Variants in EPHA3 observed in about 807,000 individuals in gnomAD.
EPHA3 encodes the protein ephrin type-A receptor 3.
EPHA3 carries 42 observed loss-of-function variants against 107.1 expected under a neutral mutation model. The observed-to-expected ratio is 0.39, with a 90% confidence interval of 0.31 to 0.51. The LOEUF is 0.51. Ranked by LOEUF, EPHA3 falls within the 20% of genes least tolerant of loss-of-function variation. The pLI is 0.78. For missense variants in EPHA3, 1,183 were observed against 1,211.2 expected, an observed-to-expected ratio of 0.98 and a Z score of 0.35; for synonymous variants, 461 against 424.8, an observed-to-expected ratio of 1.09 and a Z score of -1.05.
chr3:89,344,041 C>A (rs1256174864), intron 5 of EPHA3, among the ~76,000 whole-genome samples: 1 of 152,102 alleles, frequency 6.6e-6, no homozygotes, highest in East Asian at 1.9e-4. Flanking sequence ...GATCATGTGG[C>A]AAATGGTTTT....
At chr3:89,345,107 G>C (rs1035609555) in intron 5 of EPHA3, among the ~76,000 whole-genome samples, 1 of 150,804 alleles carries the variant, frequency 6.6e-6, no homozygotes, top group Non-Finnish European at 1.5e-5. Context: ...TCCACTAGTG[G>C]AATATGCATA....
At chr3:89,214,492 G>GATAA (rs1242632989) in intron 3 of EPHA3, among the ~76,000 whole-genome samples, 1 of 151,874 alleles carries the variant, frequency 6.6e-6, no homozygotes, top group African/African-American at 2.4e-5. Context: ...TATTTTAAGA[G>GATAA]ATAAAACATG....
At chr3:89,257,572 C>T (rs895316233) in intron 3 of EPHA3, among the ~76,000 whole-genome samples, 12 of 151,640 alleles carry the variant, frequency 7.9e-5, no homozygotes, top group African/African-American at 2.4e-4. Flanking sequence ...TGAAGACTAA[C>T]GGGAATATAG....
chr3:89,154,658 C>G (rs1053703698), intron 2 of EPHA3, among the ~76,000 whole-genome samples: 3 of 151,458 alleles, frequency 2.0e-5, no homozygotes, highest in African/African-American at 7.3e-5. Context: ...GTAAACAACT[C>G]ACTCTATCAT....
intron 2 of EPHA3, among the ~76,000 whole-genome samples, chr3:89,181,820 C>A (rs1369536583): frequency 1.3e-5 from 2 of 151,960 alleles, no homozygotes; most frequent in African/African-American, 4.8e-5. Context: ...GCTGGCCTGT[C>A]AGGCATGCTA....
In EPHA3 at chr3:89,413,062, A is replaced by AT. The variant is rs1709184410; in HGVS notation, c.1763-79_1763-78insT. 6.3e-6 allele frequency: 10 copies of AT among 1,582,526 alleles called. No homozygotes were observed. In the African/African-American group the frequency reaches 1.4e-4, roughly 21 times the overall value. The stretch of plus-strand genomic sequence containing the variant: ...TATGGGGTAGGGATTTTTTTAAACC[A>AT]ATAATGCCATAAAATTTGATCTATA... On this transcript the variant is annotated intron_variant, in intron 9 of 16. Transcript: ENST00000336596.
chr3:89,386,117 A>G (rs564602258), intron 5 of EPHA3, among the ~76,000 whole-genome samples: 1 of 152,292 alleles, frequency 6.6e-6, no homozygotes, highest in South Asian at 2.1e-4. Context: ...TAAAGTTAGG[A>G]AAATTTGCAG....
intron 1 of EPHA3, 129 bp from the exon 2 acceptor site, chr3:89,127,080 A>G (rs1053041868): frequency 5.8e-6 from 4 of 685,662 alleles, no homozygotes; most frequent in East Asian, 2.8e-5. Context: ...TCCTAATTAT[A>G]GACTTATAAT....
At chr3:89,420,172 T>A (rs141395162) in intron 11 of EPHA3, among the ~76,000 whole-genome samples, 2 of 151,494 alleles carry the variant, frequency 1.3e-5, no homozygotes, top group Non-Finnish European at 3.0e-5. Flanking sequence ...GGCAGCAAAC[T>A]TTTTAGAGTG....
At chr3:89,409,691 T>C (rs1413933811) in intron 9 of EPHA3, among the ~76,000 whole-genome samples, 1 of 152,094 alleles carries the variant, frequency 6.6e-6, no homozygotes, top group Non-Finnish European at 1.5e-5. Context: ...TTTCTGCATC[T>C]TAATACTACA....
chr3:89,141,379 G>T (rs901319232), intron 2 of EPHA3, among the ~76,000 whole-genome samples: 21 of 151,516 alleles, frequency 1.4e-4, no homozygotes, highest in Non-Finnish European at 4.4e-5. Context: ...TAGATGCCAG[G>T]TGATTTATGC....
chr3:89,126,787 C>T (rs9868041), intron 1 of EPHA3, among the ~76,000 whole-genome samples: 144,502 of 151,790 alleles, frequency 0.95, 68,861 homozygotes, highest in African/African-American at 0.98. Flanking sequence ...GATAAATTGA[C>T]TCATTCTGTC....
At chr3:89,387,718 T>C (rs1324637146) in intron 5 of EPHA3, among the ~76,000 whole-genome samples, 3 of 152,172 alleles carry the variant, frequency 2.0e-5, no homozygotes, top group Non-Finnish European at 1.5e-5. Context: ...TAACAAGGAA[T>C]ATGTTGATTA....
intron 3 of EPHA3, among the ~76,000 whole-genome samples, chr3:89,213,841 T>G (rs1704164638): frequency 6.6e-6 from 1 of 151,958 alleles, no homozygotes; most frequent in Non-Finnish European, 1.5e-5. Flanking sequence ...ATTCTTACCT[T>G]CGGTTATGAA....
intron 2 of EPHA3, among the ~76,000 whole-genome samples, chr3:89,176,132 G>A (rs1442115536): frequency 6.6e-6 from 1 of 151,964 alleles, no homozygotes; most frequent in Non-Finnish European, 1.5e-5. Flanking sequence ...GGAGATATTA[G>A]TATATGCCAC....
chr3:89,209,883 T>A lies in EPHA3; in HGVS notation c.177T>A (p.Asp59Glu). ...AGTGGGAAGAGATCAGTGGTGTGGA[T>A]GAACATTACACACCCATCAGGACTT... ...SHGWEEISGV[D>E]EHYTPIRTYQ... The change falls in exon 3 of 17, where the codon GAT becomes GAA. Residue 59 changes from aspartate to glutamate, a missense_variant. By Grantham distance (45) the Asp-to-Glu change is conservative. Coordinates refer to ENST00000336596, the MANE Select transcript of EPHA3 (RefSeq NM_005233.6). The A allele has an allele frequency of 6.2e-7, 1 of 1,607,532 alleles. No individual in the cohort carries two copies.
chr3:89,134,802 G>T (rs1310676987), intron 2 of EPHA3, among the ~76,000 whole-genome samples: 1 of 152,116 alleles, frequency 6.6e-6, no homozygotes, highest in Admixed American at 6.5e-5. Flanking sequence ...GTTGTGAGTT[G>T]TCTCCACTGC....
At chr3:89,267,515 C>A (rs1346366060) in intron 3 of EPHA3, among the ~76,000 whole-genome samples, 1 of 152,086 alleles carries the variant, frequency 6.6e-6, no homozygotes, top group Non-Finnish European at 1.5e-5. Context: ...CACAGCCCTG[C>A]CATTCCCCCT....
intron 13 of EPHA3, among the ~76,000 whole-genome samples, chr3:89,436,439 A>G (rs1709671685): frequency 6.6e-6 from 1 of 152,216 alleles, no homozygotes; most frequent in Non-Finnish European, 1.5e-5. Context: ...GGAGATTAAC[A>G]TTTGGTGCCT....
Sources: allele counts gnomAD v4.1 joint callset (sites outside exome capture counted in the v4.1 genomes callset), GRCh38; gene constraint gnomAD v4.1.1; transcripts MANE v1.5; gene names NCBI Gene and HGNC (gene_info 2026-07-23, HGNC 2026-07-21).